The following TMPRSS4 variants were observed in gnomAD, a reference collection of about 807,000 sequenced individuals.
TMPRSS4 encodes the protein transmembrane serine protease 4.
TMPRSS4 carries 45 observed loss-of-function variants against 56.4 expected under a neutral mutation model. The ratio of observed to expected loss-of-function variants is 0.80; its 90% CI spans 0.63 to 1.02. The LOEUF (loss-of-function observed/expected upper bound fraction) is 1.02. Among genes scored for constraint, TMPRSS4 ranks in the 50% least tolerant of loss-of-function variants. The pLI is 0.00. For synonymous variants in TMPRSS4, 205 were observed against 211.0 expected (o/e 0.97, Z 0.25); for missense variants, 546 against 556.7 (o/e 0.98, Z 0.19).
intron 1 of TMPRSS4, among the ~76,000 whole-genome samples, chr11:118,083,942 C>G (rs2187008): frequency 0.37 from 56,383 of 151,858 alleles, 10,636 homozygotes; most frequent in East Asian, 0.52. Context: ...GGAGGCTGAG[C>G]CAGGAGAATC....
In TMPRSS4 at chr11:118,103,139, C is replaced by T. The variant is rs1946804110; in HGVS notation, c.196C>T (p.Gln66Ter). ...GGATAAATACTACTTCCTCTGCGGG[C>T]AGCCTCTCCACTTCATCCCGAGGAA... is the stretch of plus-strand genomic sequence containing the variant. The part of the protein sequence containing the change: ...ILDKYYFLCG[Q>*]PLHFIPRKQL... The change falls in exon 4 of 13, where the codon CAG (glutamine) becomes TAG (stop). Residue 66 changes from glutamine to a stop codon, truncating the protein, a stop_gained. Coordinates refer to ENST00000437212, the MANE Select transcript of TMPRSS4 (RefSeq NM_019894.4). LOFTEE classifies it high-confidence loss of function. 2 of 1,614,258 alleles carry T rather than the reference C, an allele frequency of 1.2e-6. No homozygotes were observed. The highest frequency in any genetic ancestry group is 2.2e-5 in the South Asian group (2 of 91,084).
intron 2 of TMPRSS4, among the ~76,000 whole-genome samples, chr11:118,097,221 G>A (rs930949228): frequency 1.3e-5 from 2 of 152,052 alleles, no homozygotes; most frequent in African/African-American, 2.4e-5. Flanking sequence ...TGTCTTCAAC[G>A]AGTCTTCATT....
chr11:118,089,236 C>T (rs909066651), intron 1 of TMPRSS4, among the ~76,000 whole-genome samples: 2 of 152,142 alleles, frequency 1.3e-5, no homozygotes, highest in African/African-American at 4.8e-5. Context: ...TGTCCATCAG[C>T]TCTGACCTGT....
intron 1 of TMPRSS4, among the ~76,000 whole-genome samples, chr11:118,081,751 G>GCATT (rs112018141): frequency 1.9e-4 from 29 of 152,146 alleles, no homozygotes; most frequent in East Asian, 1.7e-3. Flanking sequence ...AAATCTGTAT[G>GCATT]CATTCATTCA....
intron 2 of TMPRSS4, among the ~76,000 whole-genome samples, chr11:118,096,405 T>C (rs1264669800): frequency 6.6e-6 from 1 of 152,200 alleles, no homozygotes; most frequent in Non-Finnish European, 1.5e-5. Context: ...GATGCCATTC[T>C]CCACTTTGGA....
intron 9 of TMPRSS4, among the ~76,000 whole-genome samples, chr11:118,114,526 A>G (rs1947442306): frequency 6.6e-6 from 1 of 152,180 alleles, no homozygotes; most frequent in Non-Finnish European, 1.5e-5. Flanking sequence ...ACAATTCTCT[A>G]GGCTATAGAT....
In TMPRSS4 at chr11:118,096,853, AAG is replaced by A. The variant is rs1946330372; in HGVS notation, c.43+2000_43+2001del. Among the ~76,000 whole-genome samples the A allele has an allele frequency of 8.3e-5, 2 of 24,152 alleles. 1 individual carries two copies. Among genetic ancestry groups the A allele is most frequent in the African/African-American group, 3.8e-4 (2 of 5,234 alleles). The allele number at this position is 24,152 out of a possible 152,430, so 15.8% of individuals were successfully genotyped here. On this transcript the variant is annotated intron_variant, in intron 2 of 12. Transcript: ENST00000437212. ...AAAGAAAGAAGGAAAGAAGGAAAGA[AAG>A]AAAGAAAGAAAGAAAGAAAGAAAGA...
intron 5 of TMPRSS4, among the ~76,000 whole-genome samples, chr11:118,105,102 T>C (rs1166874436): frequency 6.6e-6 from 1 of 151,614 alleles, no homozygotes; most frequent in East Asian, 1.9e-4. Flanking sequence ...CACACACACT[T>C]CTAGCGTCTA....
chr11:118,113,164 G>A (rs557961357), intron 8 of TMPRSS4, 105 bp from the exon 9 acceptor site: 2 of 1,133,408 alleles, frequency 1.8e-6, no homozygotes, highest in Admixed American at 4.7e-5. Flanking sequence ...TCCTCCCAAG[G>A]CAGTGACATC....
Position 118,104,733 on chromosome 11 carries a change from C to T in TMPRSS4, c.353C>T (p.Ser118Leu), listed in dbSNP as rs760169660. 11 of 1,614,068 alleles carry T rather than the reference C, an allele frequency of 6.8e-6. No individual in the cohort carries two copies. Among genetic ancestry groups the T allele is most frequent in the Admixed American group, 5.0e-5 (3 of 60,004 alleles). The change falls in exon 5 of 13, where the codon TCG (serine) becomes TTG (leucine). Residue 118 changes from serine (S) to leucine (L), a missense_variant. Coordinates refer to ENST00000437212, the MANE Select transcript of TMPRSS4 (RefSeq NM_019894.4). ...KDRSTLQVLD[S>L]ATGNWFSACF... The stretch of plus-strand genomic sequence containing the variant: ...CGATCCACACTGCAGGTGCTGGACT[C>T]GGCCACAGGGAACTGGTTCTCTGCC...
At chr11:118,095,145 G>A (rs1196817798) in intron 2 of TMPRSS4, 5 of 424,482 alleles carry the variant, frequency 1.2e-5, no homozygotes, top group South Asian at 2.6e-5. Context: ...AAAACTGTAC[G>A]TACCTGCCAT....
intron 3 of TMPRSS4, among the ~76,000 whole-genome samples, chr11:118,101,154 T>C (rs1193994038): frequency 6.6e-6 from 1 of 152,176 alleles, no homozygotes; most frequent in South Asian, 2.1e-4. Context: ...GGCTCTACAC[T>C]GGAAGCACTG....
rs573869672 is a variant in TMPRSS4 at position 118,102,465 on chromosome 11, T to C, written c.158-636T>C. Among the ~76,000 whole-genome samples, 23 of 152,230 alleles carry C rather than the reference T, an allele frequency of 1.5e-4. 1 individual carries two copies. The South Asian group carries it at 3.9e-3, about 26-fold the overall frequency. On this transcript the variant is annotated intron_variant, in intron 3 of 12. Transcript: ENST00000437212. ...GCTCACGCCTGTAATCCCAGCACTT[T>C]GGGAGGCCGAGGCGGGTGGATCACC...
intron 5 of TMPRSS4, chr11:118,106,242 G>A (rs1753853725): frequency 6.6e-6 from 1 of 152,190 alleles, no homozygotes; most frequent in Admixed American, 6.5e-5. Flanking sequence ...TTGGAGCTCA[G>A]TAAGGCACCA....
At chr11:118,101,329 G>A (rs997326565) in intron 3 of TMPRSS4, among the ~76,000 whole-genome samples, 2 of 152,094 alleles carry the variant, frequency 1.3e-5, no homozygotes, top group African/African-American at 2.4e-5. Context: ...TAGATTTAAC[G>A]CCACTACTCT....
At chr11:118,092,569 G>A (rs1379256725) in intron 1 of TMPRSS4, among the ~76,000 whole-genome samples, 1 of 152,248 alleles carries the variant, frequency 6.6e-6, no homozygotes, top group Non-Finnish European at 1.5e-5. Context: ...CTTAGAAGCA[G>A]TTTGGGGAGG....
At chr11:118,098,333 G>A (rs1327051960) in intron 2 of TMPRSS4, among the ~76,000 whole-genome samples, 2 of 152,214 alleles carry the variant, frequency 1.3e-5, no homozygotes, top group Non-Finnish European at 2.9e-5. Context: ...AGTGCCACCT[G>A]CTGAGGGAGG....
chr11:118,108,986 C>A (rs931417807), intron 7 of TMPRSS4, 90 bp downstream of exon 7: 4 of 1,442,250 alleles, frequency 2.8e-6, no homozygotes, highest in African/African-American at 2.8e-5. Flanking sequence ...ATTTCTGGGA[C>A]TCCAAGTTTC....
Position 118,119,113 on chromosome 11 carries a change from A to G in TMPRSS4, c.*1200A>G. ...TTCTTAGGAAACAACAGAATTCCTCAAATGCCAAAAACAAAGAAAATAGAA... is the reference window on the plus strand; with the variant it reads ...TTCTTAGGAAACAACAGAATTCCTCGAATGCCAAAAACAAAGAAAATAGAA... On this transcript the variant is annotated 3_prime_UTR_variant, in exon 13 of 13. Coordinates refer to ENST00000437212, the MANE Select transcript of TMPRSS4 (RefSeq NM_019894.4). 1.0e-6 allele frequency: 1 copy of G among 985,498 alleles called. No homozygotes were observed. Among genetic ancestry groups the G allele is most frequent in the Non-Finnish European group, 1.2e-6 (1 of 829,954 alleles). 61.0% of individuals were successfully genotyped at this position (985,498 alleles called of 1,614,324 possible).
Sources: gnomAD v4.1 joint callset for allele counts (sites outside exome capture counted in the v4.1 genomes callset) on GRCh38, gnomAD v4.1.1 for gene constraint, MANE v1.5 for transcripts, NCBI Gene and HGNC (gene_info 2026-07-23, HGNC 2026-07-21) for gene names.